DNAH17: variants seen among roughly 807,000 people sequenced by gnomAD.
DNAH17 encodes the protein dynein axonemal heavy chain 17, also known as axonemal beta dynein heavy chain 17.
Under a neutral mutation model 485.6 loss-of-function variants are expected in DNAH17, and 376 were observed. That is an observed-to-expected ratio of 0.77 (90% confidence interval 0.71 to 0.84). The LOEUF is 0.84. Ranked by LOEUF, DNAH17 falls within the 40% of genes least tolerant of loss-of-function variation. The pLI, the probability that DNAH17 is intolerant of heterozygous loss-of-function variation, is 0.00. For synonymous variants in DNAH17, 3,031 were observed against 2,405.9 expected (o/e 1.26, Z -7.60); for missense variants, 6,370 against 5,839.3 (o/e 1.09, Z -2.96).
intron 3 of DNAH17, among the ~76,000 whole-genome samples, chr17:78,572,074 T>C (rs1415769814): frequency 6.6e-6 from 1 of 152,080 alleles, no homozygotes; most frequent in Non-Finnish European, 1.5e-5. Flanking sequence ...TAAACCCTAT[T>C]CAAGATGGCT....
chr17:78,515,036 A>G lies in DNAH17; in HGVS notation c.3865-14T>C, dbSNP rs763101750. 2 of 1,612,440 alleles carry G rather than the reference A, an allele frequency of 1.2e-6. No individual in the cohort carries two copies. The highest frequency in any genetic ancestry group is 3.3e-5 in the Admixed American group (2 of 59,968). ...GCTGGTATTTACCTGAAACGAAAAC[A>G]TCCCGTTTCTCCTTCCACTCTCATC... is the stretch of plus-strand genomic sequence containing the variant. On this transcript the variant is annotated splice_polypyrimidine_tract_variant and intron_variant, in intron 25 of 80. Coordinates refer to ENST00000389840, the MANE Select transcript of DNAH17 (RefSeq NM_173628.4).
Position 78,450,364 on chromosome 17 carries a change from T to G in DNAH17, c.10930A>C (p.Ile3644Leu). 2 of 1,613,954 alleles carry G rather than the reference T, an allele frequency of 1.2e-6. No individual in the cohort carries two copies. The highest frequency in any genetic ancestry group is 2.2e-5 in the East Asian group (1 of 44,870). Residue 3644 changes from isoleucine to leucine, a missense_variant, in exon 68 of 81, where the codon ATC becomes CTC. Transcript: ENST00000389840. ...CGGTAGTTCTCTCTCGCTTCGTTGA[T>G]TTTAACTTCTGTGATTTTTGCCTCC... Reference protein sequence around the residue: ...VVEAKITEVKINEARENYRPA... With the variant: ...VVEAKITEVKLNEARENYRPA...
chr17:78,551,221 C>T (rs1454029544), intron 16 of DNAH17, among the ~76,000 whole-genome samples: 1 of 152,210 alleles, frequency 6.6e-6, no homozygotes, highest in Non-Finnish European at 1.5e-5. Context: ...CTGTACTGAG[C>T]AACGGGCTCG....
chr17:78,472,581 G>GA, intron 54 of DNAH17: 1 of 345,948 alleles, frequency 2.9e-6, no homozygotes, highest in Non-Finnish European at 5.9e-6. Flanking sequence ...CTGGGGTGAA[G>GA]GTTTCACAGA....
chr17:78,571,664 G>T lies in DNAH17; in HGVS notation c.658C>A (p.Leu220Met). Residue 220 changes from leucine (L) to methionine (M), a missense_variant, in exon 4 of 81, where the codon CTG (leucine) becomes ATG (methionine). By Grantham distance (15) the Leu-to-Met change is conservative (BLOSUM62 2). Coordinates refer to ENST00000389840, the MANE Select transcript of DNAH17 (RefSeq NM_173628.4). ...KDSAQALLDG[L>M]HPLPQVEFEF... The stretch of plus-strand genomic sequence containing the variant: ...AACTCCACTTGGGGCAGGGGGTGCA[G>T]CCCATCCAGCAGCGCCTGGGCTGAG... The T allele has an allele frequency of 6.2e-7, 1 of 1,614,038 alleles. No individual in the cohort carries two copies. The highest frequency in any genetic ancestry group is 8.5e-7 in the Non-Finnish European group (1 of 1,179,906).
intron 54 of DNAH17, among the ~76,000 whole-genome samples, chr17:78,470,597 G>A (rs1475912829): frequency 6.6e-6 from 1 of 152,118 alleles, no homozygotes; most frequent in African/African-American, 2.4e-5. Flanking sequence ...GCTGAGGCAG[G>A]AGAATTGCTT....
intron 5 of DNAH17, 115 bp downstream of exon 5, chr17:78,571,164 G>A: frequency 1.5e-6 from 2 of 1,295,434 alleles, no homozygotes; most frequent in Non-Finnish European, 2.2e-6. Flanking sequence ...AGGGGGCTGA[G>A]AAAGCTGCTC....
At chr17:78,464,750 A>G (rs2088329319) in intron 56 of DNAH17, among the ~76,000 whole-genome samples, 1 of 152,228 alleles carries the variant, frequency 6.6e-6, no homozygotes, top group African/African-American at 2.4e-5. Flanking sequence ...GCATGTCCTC[A>G]GCCTTCCTGA....
chr17:78,475,335 G>A lies in DNAH17; in HGVS notation c.8454C>T (p.Ser2818=), dbSNP rs200747249. The A allele has an allele frequency of 5.3e-5, 86 of 1,613,870 alleles. No individual in the cohort carries two copies. The Middle Eastern group carries it at 6.6e-4, about 12-fold the overall frequency. The change falls in exon 54 of 81, where the codon AGC becomes AGT. Residue 2818 remains serine (S), a synonymous_variant. Coordinates refer to ENST00000389840, the MANE Select transcript of DNAH17 (RefSeq NM_173628.4). ...QSLSRLAAYI[S]GLDVFQITLK... The stretch of plus-strand genomic sequence containing the variant: ...GGGTGATCTGAAACACGTCAAGCCC[G>A]CTGATGTACGCTGCCAGGCGGGAGA...
At chr17:78,515,084 C>G (rs2090746299) in intron 25 of DNAH17, 62 bp from the exon 26 acceptor site, 1 of 1,589,414 alleles carries the variant, frequency 6.3e-7, no homozygotes, top group East Asian at 2.2e-5. Context: ...GGAAGAAAAC[C>G]CTCTTACCTT....
chr17:78,507,015 T>TC (rs2090503219), intron 29 of DNAH17, among the ~76,000 whole-genome samples, 169 bp from the exon 30 acceptor site: 1 of 152,148 alleles, frequency 6.6e-6, no homozygotes. Flanking sequence ...TTCTTTGCCA[T>TC]CCCCTGACCT....
Position 78,475,733 on chromosome 17 carries a change from G to A in DNAH17, c.8255C>T (p.Pro2752Leu). 2.5e-6 allele frequency: 4 copies of A among 1,613,872 alleles called. No homozygotes were observed. The highest frequency in any genetic ancestry group is 3.4e-6 in the Non-Finnish European group (4 of 1,179,818). Residue 2752 changes from proline (P) to leucine (L), a missense_variant, in exon 53 of 81, where the codon CCT becomes CTT. By Grantham distance (98) the Pro-to-Leu change is moderately conservative. Coordinates refer to ENST00000389840, the MANE Select transcript of DNAH17 (RefSeq NM_173628.4). ...GACGTCCACGAGGAGCTTGTTCAGA[G>A]GAGCCATGTCGGTTACAGGAACATA... ...PKYVPVTDMA[P>L]LNKLLVDVLD...
intron 17 of DNAH17, among the ~76,000 whole-genome samples, chr17:78,541,242 G>A (rs1439556864): frequency 6.0e-5 from 2 of 33,160 alleles, no homozygotes; most frequent in African/African-American, 1.5e-4. Context: ...TGGGTGGGTG[G>A]GGGGGTGAGC....
In DNAH17 at chr17:78,530,433, T is replaced by C; in HGVS notation, c.3194A>G (p.Asp1065Gly). The part of the protein sequence containing the change: ...TKVFHGWLQC[D>G]CRPFKQALLS... The stretch of plus-strand genomic sequence containing the variant: ...CAGGGCCTGCTTGAAGGGGCGGCAG[T>C]CGCACTGCAGCCAGCCGTGGAACAC... The change falls in exon 21 of 81, where the codon GAC becomes GGC. Residue 1065 changes from aspartate (D) to glycine (G), a missense_variant. Asp to Gly is a moderately conservative substitution (Grantham distance 94, BLOSUM62 -1). Coordinates refer to ENST00000389840, the MANE Select transcript of DNAH17 (RefSeq NM_173628.4). 6.2e-7 allele frequency: 1 copy of C among 1,613,672 alleles called. No individual in the cohort carries two copies. Among genetic ancestry groups the C allele is most frequent in the Non-Finnish European group, 8.5e-7 (1 of 1,179,746 alleles).
chr17:78,542,018 A>G (rs2091605573), intron 17 of DNAH17, among the ~76,000 whole-genome samples: 1 of 152,080 alleles, frequency 6.6e-6, no homozygotes, highest in South Asian at 2.1e-4. Context: ...GGAACAGCCA[A>G]TAATGGCCCA....
At chr17:78,556,856 G>A (rs569864463) in intron 14 of DNAH17, among the ~76,000 whole-genome samples, 1 of 152,208 alleles carries the variant, frequency 6.6e-6, no homozygotes, top group Non-Finnish European at 1.5e-5. Flanking sequence ...GAAGAATGGT[G>A]CTACATGCAA....
chr17:78,478,615 C>CA lies in DNAH17; in HGVS notation c.7992+409dup, dbSNP rs2089203504. Among the ~76,000 whole-genome samples the CA allele has an allele frequency of 2.4e-5, 3 of 124,794 alleles. No individual in the cohort carries two copies. The South Asian group carries it at 7.2e-4, about 30-fold the overall frequency. The allele number at this position is 124,794 out of a possible 152,430, so 81.9% of individuals were successfully genotyped here. On this transcript the variant is annotated intron_variant, in intron 51 of 80. Coordinates refer to ENST00000389840, the MANE Select transcript of DNAH17 (RefSeq NM_173628.4). ...CTACCACTGTCACCACCACCGTCAT[C>CA]ACCCCCATTATTATAATCATTATCA... is the stretch of plus-strand genomic sequence containing the variant.
At chr17:78,544,994 C>G (rs2091718900) in intron 16 of DNAH17, among the ~76,000 whole-genome samples, 2 of 152,032 alleles carry the variant, frequency 1.3e-5, no homozygotes, top group African/African-American at 4.8e-5. Context: ...TATCCTCCAT[C>G]CCATCCCCCA....
chr17:78,469,303 G>C (rs1303061160), intron 54 of DNAH17, among the ~76,000 whole-genome samples: 1 of 152,180 alleles, frequency 6.6e-6, no homozygotes, highest in Admixed American at 6.5e-5. Flanking sequence ...CACCACGCCT[G>C]GCTAATTTTT....
Sources: allele counts gnomAD v4.1 joint callset (sites outside exome capture counted in the v4.1 genomes callset), GRCh38; gene constraint gnomAD v4.1.1; transcripts MANE v1.5; gene names NCBI Gene and HGNC (gene_info 2026-07-23, HGNC 2026-07-21).